The following FGGY variants were observed in gnomAD, a reference collection of about 807,000 sequenced individuals.
FGGY encodes FGGY carbohydrate kinase domain containing, also known as FGGY carbohydrate kinase domain-containing protein.
FGGY carries 72 observed loss-of-function variants against 71.3 expected under a neutral mutation model. That is an observed-to-expected ratio of 1.01 (90% CI 0.84 to 1.23). The LOEUF (loss-of-function observed/expected upper bound fraction) is 1.23. Ranked by LOEUF, FGGY falls within the 50% of genes most tolerant of loss-of-function variation. FGGY has a pLI of 0.00. For missense variants in FGGY, 668 were observed against 682.3 expected (o/e 0.98, Z 0.23); for synonymous variants, 251 against 250.3 (o/e 1.00, Z -0.02).
chr1:59,633,231 C>T (rs553185624), intron 10 of FGGY, among the ~76,000 whole-genome samples: 31 of 152,126 alleles, frequency 2.0e-4, no homozygotes, highest in Non-Finnish European at 2.1e-4. Context: ...AGGATGGTCT[C>T]GATCTCCTGA....
chr1:59,559,447 T>C (rs2095749323), intron 8 of FGGY, among the ~76,000 whole-genome samples: 1 of 152,218 alleles, frequency 6.6e-6, no homozygotes, highest in South Asian at 2.1e-4. Flanking sequence ...TGCAGATGGA[T>C]GCATATAGAA....
At chr1:59,604,970 G>A (rs1403922395) in intron 8 of FGGY, among the ~76,000 whole-genome samples, 1 of 152,186 alleles carries the variant, frequency 6.6e-6, no homozygotes, top group African/African-American at 2.4e-5. Context: ...GCAAAGAAAG[G>A]CAGAGTGGTG....
Position 59,349,126 on chromosome 1 carries a change from C to A in FGGY, c.465+2728C>A, listed in dbSNP as rs186109222. 7.9e-5 allele frequency among the ~76,000 whole-genome samples: 12 copies of A among 152,232 alleles called. No individual in the cohort carries two copies. In the East Asian group the frequency reaches 2.3e-3, roughly 29 times the overall value. ...TGGTAGATAGCACAGGAAACTGATC[C>A]TAAGGAGGTTTTCCCAAACAGGTGA... On this transcript the variant is annotated intron_variant, in intron 4 of 15. Coordinates refer to ENST00000303721, the MANE Select transcript of FGGY (RefSeq NM_018291.5).
At chr1:59,716,056 C>G (rs1485422772) in intron 14 of FGGY, among the ~76,000 whole-genome samples, 1 of 152,134 alleles carries the variant, frequency 6.6e-6, no homozygotes, top group Non-Finnish European at 1.5e-5. Flanking sequence ...ATTATCTCAA[C>G]TTAAAGATGA....
chr1:59,341,192 T>C (rs2050606049), intron 3 of FGGY, among the ~76,000 whole-genome samples: 1 of 152,208 alleles, frequency 6.6e-6, no homozygotes, highest in Non-Finnish European at 1.5e-5. Context: ...TTCTCAGTTT[T>C]CTTCTCTGAA....
intron 8 of FGGY, among the ~76,000 whole-genome samples, chr1:59,594,764 G>T (rs535568147): frequency 1.3e-5 from 2 of 152,210 alleles, no homozygotes; most frequent in African/African-American, 4.8e-5. Flanking sequence ...TGCACAGAGG[G>T]TATCAACACA....
intron 6 of FGGY, among the ~76,000 whole-genome samples, chr1:59,489,789 C>G (rs2093769061): frequency 2.0e-5 from 3 of 152,236 alleles, no homozygotes; most frequent in South Asian, 4.1e-4. Flanking sequence ...TGAGGAACCT[C>G]CATACTGTTC....
At chr1:59,435,687 C>G (rs76709784) in intron 5 of FGGY, among the ~76,000 whole-genome samples, 1 of 151,932 alleles carries the variant, frequency 6.6e-6, no homozygotes, top group African/African-American at 2.4e-5. Context: ...CAAAGATGGC[C>G]TACTGGGTCA....
At chr1:59,348,768 T>C (rs1010562003) in intron 4 of FGGY, among the ~76,000 whole-genome samples, 2 of 152,174 alleles carry the variant, frequency 1.3e-5, no homozygotes, top group Non-Finnish European at 2.9e-5. Flanking sequence ...TTTTAGCTAT[T>C]TTATATATTG....
intron 14 of FGGY, among the ~76,000 whole-genome samples, chr1:59,754,177 G>A (rs746326606): frequency 1.3e-5 from 2 of 152,194 alleles, no homozygotes; most frequent in African/African-American, 2.4e-5. Flanking sequence ...TATCTGATCA[G>A]TACTGTCATA....
intron 5 of FGGY, among the ~76,000 whole-genome samples, chr1:59,398,266 G>C (rs189548977): frequency 2.0e-5 from 3 of 151,822 alleles, no homozygotes; most frequent in African/African-American, 7.2e-5. Context: ...TTTGAGACAT[G>C]GTTTCACTCA....
intron 5 of FGGY, among the ~76,000 whole-genome samples, chr1:59,427,767 G>A (rs939734): frequency 6.6e-6 from 1 of 152,116 alleles, no homozygotes; most frequent in African/African-American, 2.4e-5. Flanking sequence ...AAAATGTGTC[G>A]GTAGCTTGGA....
intron 14 of FGGY, among the ~76,000 whole-genome samples, chr1:59,738,463 G>GA (rs1429327624): frequency 6.6e-6 from 1 of 152,124 alleles, no homozygotes; most frequent in Non-Finnish European, 1.5e-5. Context: ...CAAAGATGGG[G>GA]AAAAAAACCA....
rs538617028 is a variant in FGGY, at chr1:59,386,119, C to T, written c.554+7282C>T. On this transcript the variant is annotated intron_variant, in intron 5 of 15. Coordinates refer to ENST00000303721, the MANE Select transcript of FGGY (RefSeq NM_018291.5). The stretch of plus-strand genomic sequence containing the variant: ...CTCCCATTAATATATTATTATGATA[C>T]ATTTGTCATAATTAATGGACTGATA... 2.0e-5 allele frequency among the ~76,000 whole-genome samples: 3 copies of T among 152,232 alleles called. No individual in the cohort carries two copies. The South Asian group carries it at 6.2e-4, about 32-fold the overall frequency.
At chr1:59,557,681 C>T (rs1301944191) in intron 8 of FGGY, among the ~76,000 whole-genome samples, 1 of 152,182 alleles carries the variant, frequency 6.6e-6, no homozygotes, top group Non-Finnish European at 1.5e-5. Flanking sequence ...ACTACCAAGT[C>T]ACCAAAACCC....
intron 14 of FGGY, among the ~76,000 whole-genome samples, chr1:59,713,520 A>G (rs1413513101): frequency 1.3e-5 from 2 of 152,240 alleles, no homozygotes; most frequent in African/African-American, 4.8e-5. Context: ...TGAGATTTTA[A>G]CAAAATTAAA....
intron 5 of FGGY, among the ~76,000 whole-genome samples, chr1:59,450,209 C>T (rs1257959225): frequency 6.6e-6 from 1 of 152,048 alleles, no homozygotes; most frequent in Non-Finnish European, 1.5e-5. Context: ...TTACCTCTTG[C>T]CAGTTTCTAA....
chr1:59,412,410 G>T (rs1185705196), intron 5 of FGGY, among the ~76,000 whole-genome samples: 1 of 152,154 alleles, frequency 6.6e-6, no homozygotes. Context: ...GTCACTTCTA[G>T]TGGGGCCATC....
chr1:59,650,725 A>T (rs1307326448), intron 11 of FGGY, among the ~76,000 whole-genome samples: 2 of 130,814 alleles, frequency 1.5e-5, no homozygotes, highest in Non-Finnish European at 3.1e-5. Flanking sequence ...TGATTTTTTG[A>T]AGGGTTTTTT....
Sources: allele counts gnomAD v4.1 joint callset (sites outside exome capture counted in the v4.1 genomes callset), GRCh38; gene constraint gnomAD v4.1.1; transcripts MANE v1.5; gene names NCBI Gene and HGNC (gene_info 2026-07-23, HGNC 2026-07-21).